Variants in ARSB observed in about 807,000 individuals in gnomAD.
The protein encoded by ARSB is N-acetylgalactosamine-4-sulfatase.
A neutral mutation model predicts 50.9 loss-of-function variants in ARSB; 41 were observed. The ratio of observed to expected loss-of-function variants is 0.81; its 90% CI spans 0.63 to 1.04. ARSB has a LOEUF of 1.04. Ranked by LOEUF, ARSB falls within the 50% of genes least tolerant of loss-of-function variation. The probability of loss-of-function intolerance (pLI) is 0.00; values close to 1 mark genes in which losing one functional copy is unlikely to be tolerated. For synonymous variants in ARSB, 269 were observed against 284.8 expected (o/e 0.94, Z 0.56); for missense variants, 672 against 693.3 (o/e 0.97, Z 0.35).
At chr5:78,932,059 T>C (rs1317862362) in intron 4 of ARSB, among the ~76,000 whole-genome samples, 1 of 152,200 alleles carries the variant, frequency 6.6e-6, no homozygotes, top group African/African-American at 2.4e-5. Flanking sequence ...GGTATTTCTT[T>C]ATAGCAGTGT....
At chr5:78,963,490 T>A (rs1027565106) in intron 3 of ARSB, among the ~76,000 whole-genome samples, 1 of 150,990 alleles carries the variant, frequency 6.6e-6, no homozygotes, top group Non-Finnish European at 1.5e-5. Flanking sequence ...TGTGTCAGGG[T>A]CCCACTGAAG....
chr5:78,895,004 G>C (rs16876063), intron 4 of ARSB, among the ~76,000 whole-genome samples: 3,331 of 152,300 alleles, frequency 0.022, 123 homozygotes, highest in African/African-American at 0.074. Flanking sequence ...ACAAAGGGAT[G>C]AACAGCCAAG....
At chr5:78,874,283 A>G (rs1420051942) in intron 5 of ARSB, among the ~76,000 whole-genome samples, 2 of 152,238 alleles carry the variant, frequency 1.3e-5, no homozygotes, top group Non-Finnish European at 2.9e-5. Context: ...TATTGAATAT[A>G]TTATTGAAGA....
chr5:78,807,551 C>T (rs1299642963), intron 6 of ARSB, among the ~76,000 whole-genome samples: 1 of 152,132 alleles, frequency 6.6e-6, no homozygotes, highest in Admixed American at 6.5e-5. Flanking sequence ...ATGCTGCTCC[C>T]CACCCCTTCC....
chr5:78,879,470 A>G (rs1339341050), intron 5 of ARSB, among the ~76,000 whole-genome samples: 4 of 152,236 alleles, frequency 2.6e-5, no homozygotes, highest in Non-Finnish European at 4.4e-5. Context: ...AATATTTTGA[A>G]GCAGTCCTAA....
chr5:78,802,739 C>T (rs1166803061), intron 6 of ARSB, among the ~76,000 whole-genome samples: 4 of 152,192 alleles, frequency 2.6e-5, no homozygotes, highest in Admixed American at 1.3e-4. Context: ...AACCTGTTCT[C>T]CCCTTTGCAT....
intron 4 of ARSB, among the ~76,000 whole-genome samples, chr5:78,927,441 G>A (rs1205496916): frequency 6.6e-6 from 1 of 152,080 alleles, no homozygotes; most frequent in Non-Finnish European, 1.5e-5. Flanking sequence ...GCACTATTTA[G>A]TATTGAATAA....
At chr5:78,941,198 GT>G (rs977535881) in intron 4 of ARSB, among the ~76,000 whole-genome samples, 1 of 151,404 alleles carries the variant, frequency 6.6e-6, no homozygotes, top group Non-Finnish European at 1.5e-5. Flanking sequence ...AGACGATGGG[GT>G]TTTCTAGATA....
At chr5:78,806,086 A>G (rs1743549096) in intron 6 of ARSB, among the ~76,000 whole-genome samples, 1 of 152,238 alleles carries the variant, frequency 6.6e-6, no homozygotes, top group South Asian at 2.1e-4. Context: ...ATGAGTACTG[A>G]GCAATACAAT....
chr5:78,946,049 T>C (rs16876111), intron 4 of ARSB, among the ~76,000 whole-genome samples: 5,301 of 152,320 alleles, frequency 0.035, 291 homozygotes, highest in African/African-American at 0.12. Context: ...TATCTTTTTA[T>C]CTGCAATGAA....
intron 6 of ARSB, among the ~76,000 whole-genome samples, chr5:78,804,988 G>GGACA (rs1743512606): frequency 6.6e-6 from 1 of 152,188 alleles, no homozygotes; most frequent in Non-Finnish European, 1.5e-5. Flanking sequence ...CCATTAGCAG[G>GGACA]GACACAGCAT....
At chr5:78,961,444 T>C (rs1751978935) in intron 3 of ARSB, among the ~76,000 whole-genome samples, 1 of 152,138 alleles carries the variant, frequency 6.6e-6, no homozygotes, top group Non-Finnish European at 1.5e-5. Flanking sequence ...AAAATGACCA[T>C]CCTCTCATCT....
chr5:78,839,281 A>C, intron 6 of ARSB, 75 bp downstream of exon 6: 5 of 1,382,896 alleles, frequency 3.6e-6, no homozygotes, highest in Non-Finnish European at 5.1e-6. Context: ...AAGCTAGGCT[A>C]GAGACACACT....
At chr5:78,836,560 T>C (rs1744963621) in intron 6 of ARSB, among the ~76,000 whole-genome samples, 1 of 152,208 alleles carries the variant, frequency 6.6e-6, no homozygotes, top group African/African-American at 2.4e-5. Flanking sequence ...GTAAATGTCC[T>C]TACAGTCTAT....
At chr5:78,817,853 A>G (rs1744060565) in intron 6 of ARSB, among the ~76,000 whole-genome samples, 1 of 151,884 alleles carries the variant, frequency 6.6e-6, no homozygotes, top group African/African-American at 2.4e-5. Context: ...TGTCTCTGAT[A>G]TACAACTAAG....
At chr5:78,921,744 G>C (rs1207589290) in intron 4 of ARSB, among the ~76,000 whole-genome samples, 2 of 152,126 alleles carry the variant, frequency 1.3e-5, no homozygotes, top group Non-Finnish European at 2.9e-5. Flanking sequence ...GAAATCAAAA[G>C]GGAAGTCAAA....
intron 6 of ARSB, among the ~76,000 whole-genome samples, chr5:78,789,674 T>G (rs1749184687): frequency 6.6e-6 from 1 of 152,212 alleles, no homozygotes; most frequent in Non-Finnish European, 1.5e-5. Context: ...CAATTTGTAC[T>G]ATAAAGCATT....
chr5:78,851,876 T>C lies in ARSB; in HGVS notation c.1143-12450A>G, dbSNP rs1177787623. Among the ~76,000 whole-genome samples, 7 of 152,234 alleles carry C rather than the reference T, an allele frequency of 4.6e-5. No homozygotes were observed. In the South Asian group the frequency reaches 8.3e-4, roughly 18 times the overall value. ...AAGTCTGTTTTATCAGAGACTAGGA[T>C]TGCAACCCCTGCCTTTTTTTGTTTT... On this transcript the variant is annotated intron_variant, in intron 5 of 7. Transcript: ENST00000264914.
intron 4 of ARSB, among the ~76,000 whole-genome samples, chr5:78,950,398 G>A (rs1751444940): frequency 3.3e-5 from 5 of 152,170 alleles, no homozygotes; most frequent in Admixed American, 3.3e-4. Flanking sequence ...ATTAAGAGAG[G>A]CAGGAAGACA....
Sources: gnomAD v4.1 joint callset for allele counts (sites outside exome capture counted in the v4.1 genomes callset) on GRCh38, gnomAD v4.1.1 for gene constraint, MANE v1.5 for transcripts, NCBI Gene and HGNC (gene_info 2026-07-23, HGNC 2026-07-21) for gene names.